Variants in THSD7B observed in about 807,000 individuals in gnomAD.
The protein encoded by THSD7B is thrombospondin type 1 domain containing 7B.
A neutral mutation model predicts 213.6 loss-of-function variants in THSD7B; 138 were observed. That is an observed-to-expected ratio of 0.65 (90% CI 0.56 to 0.74). The LOEUF is 0.74. Ranked by LOEUF, THSD7B falls within the 30% of genes least tolerant of loss-of-function variation. The probability of loss-of-function intolerance (pLI) is 0.00; values close to 1 mark genes in which losing one functional copy is unlikely to be tolerated. For missense variants in THSD7B, 1,931 were observed against 1,991.5 expected, an observed-to-expected ratio of 0.97 and a Z score of 0.58; for synonymous variants, 742 against 687.0, an observed-to-expected ratio of 1.08 and a Z score of -1.25.
intron 2 of THSD7B, among the ~76,000 whole-genome samples, chr2:136,887,302 G>GT (rs1463803087): frequency 1.6e-5 from 2 of 124,788 alleles, no homozygotes; most frequent in Non-Finnish European, 3.5e-5. Flanking sequence ...CATATTTGTT[G>GT]TGTGTGTGTG....
chr2:137,675,648 C>T (rs897840063), intron 27 of THSD7B, among the ~76,000 whole-genome samples: 4 of 151,884 alleles, frequency 2.6e-5, no homozygotes, highest in Non-Finnish European at 4.4e-5. Context: ...AAACATTCAG[C>T]ACAGATCTTG....
chr2:137,359,607 G>T (rs1489484148), intron 12 of THSD7B, among the ~76,000 whole-genome samples: 1 of 152,050 alleles, frequency 6.6e-6, no homozygotes, highest in Non-Finnish European at 1.5e-5. Flanking sequence ...CTTTTTATCT[G>T]GTCTGGATTT....
At chr2:137,446,799 G>A (rs984904714) in intron 14 of THSD7B, among the ~76,000 whole-genome samples, 11 of 152,118 alleles carry the variant, frequency 7.2e-5, no homozygotes, top group East Asian at 3.9e-4. Context: ...GAGTGTTGCC[G>A]TGAAATATTA....
chr2:137,422,935 C>T (rs1033006492), intron 14 of THSD7B, among the ~76,000 whole-genome samples: 1 of 152,036 alleles, frequency 6.6e-6, no homozygotes, highest in Non-Finnish European at 1.5e-5. Context: ...ATAGGAAAAC[C>T]TTTCTAGAGA....
intron 4 of THSD7B, among the ~76,000 whole-genome samples, chr2:137,104,946 C>T (rs1688219257): frequency 6.6e-6 from 1 of 152,090 alleles, no homozygotes; most frequent in African/African-American, 2.4e-5. Context: ...ATTGCAGGAC[C>T]AAACGGATTC....
chr2:137,004,864 T>C (rs1686072971), intron 2 of THSD7B, among the ~76,000 whole-genome samples: 1 of 152,200 alleles, frequency 6.6e-6, no homozygotes, highest in African/African-American at 2.4e-5. Flanking sequence ...AAAATATATT[T>C]TACCTTCCTT....
At chr2:136,933,687 A>G (rs958341362) in intron 2 of THSD7B, among the ~76,000 whole-genome samples, 4 of 114,968 alleles carry the variant, frequency 3.5e-5, no homozygotes, top group Non-Finnish European at 6.7e-5. Context: ...TTAATAATCA[A>G]TCTCTTCTTC....
At chr2:136,818,049 A>G (rs577531147) in intron 1 of THSD7B, among the ~76,000 whole-genome samples, 2,213 of 146,642 alleles carry the variant, frequency 0.015, 47 homozygotes, top group African/African-American at 0.052. Flanking sequence ...ATTACTGGGT[A>G]TATACCCAAA....
chr2:137,605,760 C>G (rs951952077), intron 17 of THSD7B, among the ~76,000 whole-genome samples: 2 of 147,300 alleles, frequency 1.4e-5, no homozygotes, highest in African/African-American at 2.5e-5. Flanking sequence ...CTTCCGCATC[C>G]CTGGTTCAAG....
chr2:137,333,304 C>A (rs1051573935), intron 12 of THSD7B, among the ~76,000 whole-genome samples: 1 of 152,188 alleles, frequency 6.6e-6, no homozygotes, highest in Admixed American at 6.5e-5. Context: ...CTATTCTCTA[C>A]TCTGCAGCCA....
intron 15 of THSD7B, among the ~76,000 whole-genome samples, chr2:137,561,544 C>T (rs2105221655): frequency 6.6e-6 from 1 of 152,254 alleles, no homozygotes; most frequent in East Asian, 1.9e-4. Flanking sequence ...GTTTAATTAA[C>T]AGATATTAAA....
intron 3 of THSD7B, among the ~76,000 whole-genome samples, chr2:137,058,659 C>T (rs1466846518): frequency 6.6e-6 from 1 of 152,052 alleles, no homozygotes. Flanking sequence ...ATTGTGTTCC[C>T]CTCCCCAAAT....
intron 15 of THSD7B, chr2:137,538,577 T>G: frequency 2.0e-6 from 1 of 489,918 alleles, no homozygotes; most frequent in Non-Finnish European, 4.0e-6. Flanking sequence ...AAACCAGCTT[T>G]TTTTCTCTTT....
chr2:136,836,459 G>A (rs1217714984), intron 1 of THSD7B, among the ~76,000 whole-genome samples: 1 of 152,130 alleles, frequency 6.6e-6, no homozygotes, highest in East Asian at 1.9e-4. Flanking sequence ...ATTTATTAGT[G>A]TGTGTACATT....
At chr2:137,643,710 A>G (rs1228982732) in intron 21 of THSD7B, among the ~76,000 whole-genome samples, 2 of 152,200 alleles carry the variant, frequency 1.3e-5, no homozygotes, top group African/African-American at 4.8e-5. Context: ...GAATAGAGAA[A>G]ATAAGCTCAA....
chr2:137,257,924 A>G (rs1682345410), intron 10 of THSD7B, among the ~76,000 whole-genome samples: 1 of 152,200 alleles, frequency 6.6e-6, no homozygotes, highest in Admixed American at 6.5e-5. Flanking sequence ...CATGAGGAAC[A>G]GAAGCTCTCT....
chr2:137,109,460 T>A (rs921447224), intron 4 of THSD7B, among the ~76,000 whole-genome samples: 1 of 152,210 alleles, frequency 6.6e-6, no homozygotes, highest in Non-Finnish European at 1.5e-5. Flanking sequence ...TCTATCATTA[T>A]CACATTATAA....
rs749276254 is a variant in THSD7B at position 137,642,643 on chromosome 2, G to A, written c.3945+10G>A. 1 of 1,612,790 alleles carries A rather than the reference G, an allele frequency of 6.2e-7. No homozygotes were observed. Among genetic ancestry groups the A allele is most frequent in the Non-Finnish European group, 8.5e-7 (1 of 1,179,510 alleles). ...TGCATGTAAATTGGAGGTAGGTCAT[G>A]TAATGACAGTTAGAGAAATATTCAT... On this transcript the variant is annotated intron_variant, in intron 21 of 27. Transcript: ENST00000409968.
intron 12 of THSD7B, among the ~76,000 whole-genome samples, chr2:137,398,907 G>A (rs1686277827): frequency 1.3e-5 from 2 of 152,274 alleles, no homozygotes; most frequent in South Asian, 4.2e-4. Flanking sequence ...GCAATATTCG[G>A]GTGGGAGTGA....
Sources: allele counts gnomAD v4.1 joint callset (sites outside exome capture counted in the v4.1 genomes callset), GRCh38; gene constraint gnomAD v4.1.1; transcripts MANE v1.5; gene names NCBI Gene and HGNC (gene_info 2026-07-23, HGNC 2026-07-21).